Variants in DPH6 observed in about 807,000 individuals in gnomAD.
DPH6 encodes the protein diphthamine biosynthesis 6.
In DPH6, 33 loss-of-function variants were observed where a neutral mutation model predicts 38.2. That is an observed-to-expected ratio of 0.86 (90% CI 0.65 to 1.15). The LOEUF (loss-of-function observed/expected upper bound fraction) is 1.15, where lower values mean the gene tolerates loss of function less well. Ranked by LOEUF, DPH6 falls within the 50% of genes most tolerant of loss-of-function variation. The probability of loss-of-function intolerance (pLI) is 0.00; values close to 1 mark genes in which losing one functional copy is unlikely to be tolerated. For missense variants in DPH6, 325 were observed against 320.0 expected (o/e 1.02, Z -0.12); for synonymous variants, 108 against 103.0 (o/e 1.05, Z -0.30).
In DPH6 at chr15:35,371,492, A is replaced by G. The variant is rs747960927; in HGVS notation, c.*658T>C. 21 of 814,424 alleles carry G rather than the reference A, an allele frequency of 2.6e-5. No homozygotes were observed. The highest frequency in any genetic ancestry group is 3.7e-5 in the African/African-American group (2 of 53,620). 50.4% of individuals were successfully genotyped at this position (814,424 alleles called of 1,614,324 possible). On this transcript the variant is annotated 3_prime_UTR_variant, in exon 9 of 9. Coordinates refer to ENST00000256538, the MANE Select transcript of DPH6 (RefSeq NM_080650.4). ...GGGAAATCTCTGCATTTTCTGCTCCATTTTTGCTGTGAACCTAAAACTGTT... is the reference window on the plus strand; with the variant it reads ...GGGAAATCTCTGCATTTTCTGCTCCGTTTTTGCTGTGAACCTAAAACTGTT...
intron 6 of DPH6, among the ~76,000 whole-genome samples, chr15:35,401,919 T>C (rs1374541040): frequency 1.3e-5 from 2 of 152,166 alleles, no homozygotes; most frequent in Admixed American, 1.3e-4. Flanking sequence ...CAAATACTCA[T>C]GTGTATGGGC....
chr15:35,167,577 A>ATT, the DPH6 span, among the ~76,000 whole-genome samples: 15 of 150,736 alleles, frequency 1.0e-4, no homozygotes, highest in African/African-American at 2.9e-4. Context: ...TTTTTTAAAA[A>ATT]AAAAAAAAAA....
downstream of DPH6, chr15:35,217,255 C>A (rs939385997): frequency 6.6e-6 from 1 of 152,114 alleles, no homozygotes; most frequent in African/African-American, 2.4e-5. Context: ...GATTAGATAA[C>A]CTTGCATTTT....
chr15:35,260,509 T>C (rs1449655449), intron 3 of DPH6, among the ~76,000 whole-genome samples: 2 of 150,610 alleles, frequency 1.3e-5, no homozygotes, highest in East Asian at 1.9e-4. Context: ...TATTTAATAA[T>C]AAATTAAGTA....
the DPH6 span, among the ~76,000 whole-genome samples, chr15:35,196,435 G>A: frequency 6.6e-6 from 1 of 152,196 alleles, no homozygotes; most frequent in Non-Finnish European, 1.5e-5. Flanking sequence ...CTACCCACTA[G>A]CTGGAACTCT....
At chr15:35,535,532 A>G (rs530846567) in intron 3 of DPH6, among the ~76,000 whole-genome samples, 12 of 152,290 alleles carry the variant, frequency 7.9e-5, no homozygotes, top group Non-Finnish European at 1.3e-4. Flanking sequence ...TATATTTCCT[A>G]TAGAGATATA....
chr15:35,443,087 G>C (rs1418495997), intron 5 of DPH6, among the ~76,000 whole-genome samples: 1 of 152,148 alleles, frequency 6.6e-6, no homozygotes, highest in Non-Finnish European at 1.5e-5. Flanking sequence ...AGTCATAGTA[G>C]CTATATGCTC....
intron 3 of DPH6, among the ~76,000 whole-genome samples, chr15:35,356,110 T>G (rs770111712): frequency 6.6e-6 from 1 of 152,254 alleles, no homozygotes; most frequent in Non-Finnish European, 1.5e-5. Context: ...CACATAGTTC[T>G]CGTGCCGTAG....
chr15:35,145,441 T>C, the DPH6 span, among the ~76,000 whole-genome samples: 1 of 152,132 alleles, frequency 6.6e-6, no homozygotes, highest in Non-Finnish European at 1.5e-5. Flanking sequence ...ATTAGAGGAG[T>C]TACAATATGA....
At chr15:35,485,364 G>A (rs2054383322) in intron 3 of DPH6, among the ~76,000 whole-genome samples, 1 of 152,192 alleles carries the variant, frequency 6.6e-6, no homozygotes, top group South Asian at 2.1e-4. Context: ...CAAATTGTAT[G>A]TGAGGATATG....
intron 3 of DPH6, among the ~76,000 whole-genome samples, chr15:35,270,189 G>T (rs1366198994): frequency 1.3e-5 from 2 of 152,122 alleles, no homozygotes; most frequent in Non-Finnish European, 2.9e-5. Context: ...GCAACCAAAA[G>T]AATGGTATCT....
the DPH6 span, among the ~76,000 whole-genome samples, chr15:35,146,422 T>C: frequency 2.2e-3 from 337 of 152,284 alleles, no homozygotes; most frequent in African/African-American, 7.6e-3. Flanking sequence ...TCTCCTTATT[T>C]CCTCCTGTTC....
intron 6 of DPH6, among the ~76,000 whole-genome samples, chr15:35,384,076 T>C (rs761487515): frequency 6.6e-6 from 1 of 152,226 alleles, no homozygotes; most frequent in Non-Finnish European, 1.5e-5. Context: ...ATATTTACAC[T>C]GTTCATAGAA....
chr15:35,197,290 G>C, the DPH6 span, among the ~76,000 whole-genome samples: 857 of 152,294 alleles, frequency 5.6e-3, 6 homozygotes, highest in African/African-American at 0.019. Flanking sequence ...CTTTCATAAA[G>C]AATGTCAACA....
chr15:35,324,756 TCAA>T (rs2052268702), intron 3 of DPH6, among the ~76,000 whole-genome samples: 1 of 152,074 alleles, frequency 6.6e-6, no homozygotes, highest in African/African-American at 2.4e-5. Context: ...GGCATTGAAC[TCAA>T]CAAACAAAAG....
chr15:35,521,804 C>A, intron 3 of DPH6: 1 of 1,241,690 alleles, frequency 8.1e-7, no homozygotes, highest in South Asian at 3.9e-5. Context: ...TTTTACTTAA[C>A]TACATTGGAT....
chr15:35,407,470 T>C (rs2053309672), intron 6 of DPH6, among the ~76,000 whole-genome samples: 5 of 151,940 alleles, frequency 3.3e-5, no homozygotes, highest in Admixed American at 3.3e-4. Context: ...AGCTACTGAA[T>C]GAAAGAACCA....
chr15:35,468,097 T>C (rs1449544179), intron 3 of DPH6, among the ~76,000 whole-genome samples: 2 of 152,238 alleles, frequency 1.3e-5, no homozygotes, highest in Admixed American at 1.3e-4. Context: ...CAAGTAAGGC[T>C]ATTTCTCAAA....
chr15:35,433,739 AT>A (rs2053660099), intron 5 of DPH6, among the ~76,000 whole-genome samples: 1 of 152,192 alleles, frequency 6.6e-6, no homozygotes, highest in Admixed American at 6.6e-5. Flanking sequence ...ATTAAAATCA[AT>A]TAATATTGAA....
Sources: gnomAD v4.1 joint callset for allele counts (sites outside exome capture counted in the v4.1 genomes callset) on GRCh38, gnomAD v4.1.1 for gene constraint, MANE v1.5 for transcripts, NCBI Gene and HGNC (gene_info 2026-07-23, HGNC 2026-07-21) for gene names.